The following DDX46 variants were observed in gnomAD, a reference collection of about 807,000 sequenced individuals.
DDX46 encodes DEAD-box helicase 46.
A neutral mutation model predicts 134.9 loss-of-function variants in DDX46; 30 were observed. That is an observed-to-expected ratio of 0.22 (90% CI 0.17 to 0.30). The LOEUF (loss-of-function observed/expected upper bound fraction) is 0.30. Ranked by LOEUF, DDX46 falls within the 10% of genes least tolerant of loss-of-function variation. The pLI is 1.00. For missense variants in DDX46, 622 were observed against 1,248.7 expected, an observed-to-expected ratio of 0.50 and a Z score of 7.56; for synonymous variants, 415 against 404.1, an observed-to-expected ratio of 1.03 and a Z score of -0.32.
At chr5:134,767,177 C>G (rs1488136601) in intron 3 of DDX46, 117 bp downstream of exon 3, 7 of 1,304,964 alleles carry the variant, frequency 5.4e-6, no homozygotes, top group Non-Finnish European at 6.1e-6. Flanking sequence ...GCATTTGGCT[C>G]CTACCATGAA....
intron 16 of DDX46, 142 bp from the exon 17 acceptor site, chr5:134,811,079 A>G: frequency 1.6e-6 from 1 of 635,300 alleles, no homozygotes; most frequent in East Asian, 2.8e-5. Context: ...TAATTTAGTA[A>G]GACTCTTTCG....
At chr5:134,823,243 C>T (rs533082895) in intron 21 of DDX46, among the ~76,000 whole-genome samples, 1 of 150,632 alleles carries the variant, frequency 6.6e-6, no homozygotes, top group African/African-American at 2.4e-5. Flanking sequence ...TCACTAAAAC[C>T]TCTGCCTCCT....
intron 11 of DDX46, among the ~76,000 whole-genome samples, chr5:134,785,922 C>T (rs889169228): frequency 5.9e-5 from 9 of 151,744 alleles, no homozygotes; most frequent in African/African-American, 2.2e-4. Context: ...GATCTCGGCT[C>T]ACTGCAACCT....
rs1755725136 is a variant in DDX46 at position 134,831,060 on chromosome 5, C to T, written c.*2354C>T. On this transcript the variant is annotated 3_prime_UTR_variant, in exon 23 of 23. Coordinates refer to ENST00000452510, the MANE Select transcript of DDX46 (RefSeq NM_001300860.2). ...ATATATAGACTTTGTTTTTTTAATG[C>T]AATATGAATATTTGCTCATGTTTTC... The T allele has an allele frequency of 6.6e-6, 1 of 152,100 alleles. No individual in the cohort carries two copies. The highest frequency in any genetic ancestry group is 1.5e-5 in the Non-Finnish European group (1 of 68,012). The allele number at this position is 152,100 out of a possible 1,614,324, so 9.4% of individuals were successfully genotyped here. A position where few individuals can be genotyped will look rare whatever the true frequency, so the allele number is the denominator to read the frequency against.
intron 4 of DDX46, among the ~76,000 whole-genome samples, chr5:134,771,382 C>T (rs1225062226): frequency 7.3e-6 from 1 of 136,546 alleles, no homozygotes; most frequent in Non-Finnish European, 1.6e-5. Flanking sequence ...TGTGAGCCAC[C>T]GTGCCTGGCC....
intron 9 of DDX46, among the ~76,000 whole-genome samples, chr5:134,784,106 T>A (rs2150142357): frequency 6.6e-6 from 1 of 152,342 alleles, no homozygotes; most frequent in South Asian, 2.1e-4. Flanking sequence ...TAGATTTGGC[T>A]ATTCCTAACA....
rs1755035396 is a variant in DDX46, at chr5:134,807,950, A to G, written c.2148+9A>G. 3.2e-6 allele frequency: 5 copies of G among 1,581,096 alleles called. No homozygotes were observed. In the African/African-American group the frequency reaches 4.1e-5, roughly 13 times the overall value. ...GAAGAGCAGGAAACAAGGTAAAAAT[A>G]AGTTTTTTATAGTTGATCTTCATTA... On this transcript the variant is annotated intron_variant, in intron 16 of 22. Transcript: ENST00000452510.
At chr5:134,760,715 A>G (rs940521274) in intron 1 of DDX46, among the ~76,000 whole-genome samples, 1 of 152,002 alleles carries the variant, frequency 6.6e-6, no homozygotes. Context: ...AATTGGTATT[A>G]CTTGGTTGTT....
chr5:134,811,839 A>G lies in DDX46; in HGVS notation c.2430A>G (p.Ala810=), dbSNP rs368229542. Residue 810 remains alanine, a synonymous_variant, in exon 18 of 23, where the codon GCA becomes GCG. Transcript: ENST00000452510. ...AAGATTCAGATGATGAGGATGCTGC[A>G]GTTGATGTAAGTACTATTATTCTCT... ...GLQDSDDEDA[A]VDIDEQIESM... 6.2e-7 allele frequency: 1 copy of G among 1,608,222 alleles called. No homozygotes were observed. The highest frequency in any genetic ancestry group is 1.1e-5 in the South Asian group (1 of 89,452).
rs1233434515 is a variant in DDX46, at chr5:134,811,861, C to T, written c.2436+16C>T. 2 of 1,600,502 alleles carry T rather than the reference C, an allele frequency of 1.2e-6. No individual in the cohort carries two copies. The highest frequency in any genetic ancestry group is 1.7e-6 in the Non-Finnish European group (2 of 1,176,236). On this transcript the variant is annotated intron_variant, in intron 18 of 22. Transcript: ENST00000452510. ...TGCAGTTGATGTAAGTACTATTATT[C>T]TCTCATTCTTAATTGAAGCAGTTAT...
At chr5:134,795,086 C>T in intron 14 of DDX46, 72 bp downstream of exon 14, 1 of 1,553,842 alleles carries the variant, frequency 6.4e-7, no homozygotes, top group Non-Finnish European at 8.7e-7. Context: ...TCTATGATCA[C>T]TGTTTGTGAG....
At chr5:134,779,192 T>C (rs545530974) in intron 6 of DDX46, among the ~76,000 whole-genome samples, 9 of 150,302 alleles carry the variant, frequency 6.0e-5, no homozygotes, top group Non-Finnish European at 1.2e-4. Flanking sequence ...CCACTGCACC[T>C]GTCCTATTTT....
intron 2 of DDX46, 111 bp downstream of exon 2, chr5:134,764,203 G>A (rs1199046545): frequency 1.9e-6 from 2 of 1,047,430 alleles, no homozygotes; most frequent in Non-Finnish European, 2.7e-6. Flanking sequence ...CCAATTGCAG[G>A]CCCTTTTCTT....
chr5:134,775,870 G>A (rs1753919339), intron 5 of DDX46, among the ~76,000 whole-genome samples: 1 of 152,050 alleles, frequency 6.6e-6, no homozygotes, highest in South Asian at 2.1e-4. Flanking sequence ...GTGATTGAAA[G>A]GTAATTGAAA....
intron 6 of DDX46, among the ~76,000 whole-genome samples, chr5:134,780,418 A>G (rs1754109192): frequency 6.6e-6 from 1 of 150,380 alleles, no homozygotes. Context: ...TGCAAAAATT[A>G]GCCGGACTAG....
At chr5:134,771,546 A>T (rs1229132994) in intron 4 of DDX46, among the ~76,000 whole-genome samples, 2 of 150,636 alleles carry the variant, frequency 1.3e-5, no homozygotes, top group Admixed American at 6.6e-5. Context: ...CAAAAAAAAA[A>T]AAAAGATTAG....
intron 1 of DDX46, among the ~76,000 whole-genome samples, chr5:134,762,984 G>A (rs928895365): frequency 3.3e-5 from 5 of 152,104 alleles, no homozygotes; most frequent in Non-Finnish European, 2.9e-5. Context: ...GTGTGAACCC[G>A]GGAGGTGGAG....
intron 6 of DDX46, among the ~76,000 whole-genome samples, chr5:134,780,189 T>C (rs1754098049): frequency 6.6e-6 from 1 of 151,506 alleles, no homozygotes; most frequent in South Asian, 2.1e-4. Flanking sequence ...TGTGTATGTA[T>C]ATATGTATGT....
chr5:134,783,228 T>C (rs1331691116), intron 9 of DDX46, among the ~76,000 whole-genome samples, 163 bp downstream of exon 9: 2 of 152,004 alleles, frequency 1.3e-5, no homozygotes, highest in Admixed American at 6.6e-5. Context: ...CTTTAAATTA[T>C]ACAACTGGTT....
Sources: allele counts gnomAD v4.1 joint callset (sites outside exome capture counted in the v4.1 genomes callset), GRCh38; gene constraint gnomAD v4.1.1; transcripts MANE v1.5; gene names NCBI Gene and HGNC (gene_info 2026-07-23, HGNC 2026-07-21).